The following TBCK variants were observed in gnomAD, a reference collection of about 807,000 sequenced individuals.
TBCK encodes the protein TBC1 domain containing kinase.
Under a neutral mutation model 113.4 loss-of-function variants are expected in TBCK, and 99 were observed. The observed-to-expected ratio is 0.87, with a 90% CI of 0.74 to 1.03. The LOEUF is 1.03. Ranked by LOEUF, TBCK falls within the 50% of genes least tolerant of loss-of-function variation. The pLI is 0.00. For synonymous variants in TBCK, 369 were observed against 370.8 expected, an observed-to-expected ratio of 1.00 and a Z score of 0.05; for missense variants, 1,045 against 1,061.3, an observed-to-expected ratio of 0.98 and a Z score of 0.21.
chr4:106,281,244 T>C (rs576877609), intron 3 of TBCK, among the ~76,000 whole-genome samples: 32 of 152,100 alleles, frequency 2.1e-4, no homozygotes, highest in Middle Eastern at 3.2e-3. Flanking sequence ...ATGTTACTGA[T>C]TTTTATCTTT....
intron 8 of TBCK, 136 bp downstream of exon 8, chr4:106,248,785 C>A (rs962879710): frequency 4.6e-6 from 3 of 648,824 alleles, no homozygotes; most frequent in Admixed American, 3.5e-5. Context: ...GACGACCAAA[C>A]GTACTGGTGC....
chr4:106,081,580 A>G (rs1047373123), intron 25 of TBCK, among the ~76,000 whole-genome samples: 6 of 152,098 alleles, frequency 3.9e-5, no homozygotes, highest in Non-Finnish European at 7.4e-5. Flanking sequence ...CTTAATACCT[A>G]GGTGATGGAT....
chr4:106,170,604 T>C (rs1409121949), intron 23 of TBCK, among the ~76,000 whole-genome samples: 1 of 152,102 alleles, frequency 6.6e-6, no homozygotes, highest in African/African-American at 2.4e-5. Flanking sequence ...ACTATGATAA[T>C]ATTAGAATAT....
chr4:106,299,036 T>G (rs886857552), intron 2 of TBCK, among the ~76,000 whole-genome samples: 3 of 152,186 alleles, frequency 2.0e-5, no homozygotes, highest in Non-Finnish European at 4.4e-5. Context: ...ATGGCAGGAA[T>G]GAGGTGGGTC....
chr4:106,242,532 G>A lies in TBCK; in HGVS notation c.1108C>T (p.Arg370Ter), dbSNP rs1452578209. ...FEDGESFGQG[R>*]DRSSLLDDTT... Reference sequence around the variant, plus strand: ...TCATCTAAAAGCGAGCTTCTATCTCGACCTTGTCCAAAGCTTTCACCATCC... The same window carrying A: ...TCATCTAAAAGCGAGCTTCTATCTCAACCTTGTCCAAAGCTTTCACCATCC... The change falls in exon 12 of 26, where the codon CGA becomes TGA. Residue 370 changes from arginine to a stop codon, truncating the protein, a stop_gained. Transcript: ENST00000394708. LOFTEE classifies it high-confidence loss of function. 1.2e-6 allele frequency: 2 copies of A among 1,607,870 alleles called. No individual in the cohort carries two copies. Among genetic ancestry groups the A allele is most frequent in the African/African-American group, 1.3e-5 (1 of 74,628 alleles).
intron 1 of TBCK, among the ~76,000 whole-genome samples, chr4:106,311,444 A>C (rs1219742040): frequency 6.6e-6 from 1 of 152,184 alleles, no homozygotes. Flanking sequence ...ATATTGAGTG[A>C]AAAAAGTAAC....
chr4:106,075,311 GA>G (rs1164632669), intron 25 of TBCK, among the ~76,000 whole-genome samples: 3 of 152,170 alleles, frequency 2.0e-5, no homozygotes, highest in Non-Finnish European at 4.4e-5. Context: ...CCTAATGTTG[GA>G]TTGAAGCATA....
intron 23 of TBCK, among the ~76,000 whole-genome samples, chr4:106,120,825 T>A (rs932280830): frequency 6.6e-6 from 1 of 151,930 alleles, no homozygotes; most frequent in Non-Finnish European, 1.5e-5. Flanking sequence ...TACATCACCA[T>A]CATCAAAGAC....
chr4:106,184,154 C>T (rs1163913405), intron 22 of TBCK, among the ~76,000 whole-genome samples: 1 of 152,068 alleles, frequency 6.6e-6, no homozygotes, highest in African/African-American at 2.4e-5. Flanking sequence ...AAATCTCTAA[C>T]AGTGCCTCAG....
In TBCK at chr4:106,124,802, G is replaced by A. The variant is rs187438564; in HGVS notation, c.2236-8424C>T. On this transcript the variant is annotated intron_variant, in intron 23 of 25. Transcript: ENST00000394708. ...CACTCATAGGTGGGAACTGAACAAT[G>A]AAATCACATGGACATAGGAAGGGGA... 2.5e-4 allele frequency among the ~76,000 whole-genome samples: 38 copies of A among 151,438 alleles called. No homozygotes were observed. The East Asian group carries it at 7.4e-3, about 29-fold the overall frequency.
At chr4:106,077,726 C>A (rs1163287814) in intron 25 of TBCK, among the ~76,000 whole-genome samples, 3 of 152,146 alleles carry the variant, frequency 2.0e-5, no homozygotes, top group Non-Finnish European at 2.9e-5. Flanking sequence ...GATTTCAACA[C>A]CACCTTGACA....
intron 2 of TBCK, among the ~76,000 whole-genome samples, chr4:106,304,212 T>C (rs1286363144): frequency 6.6e-6 from 1 of 152,138 alleles, no homozygotes; most frequent in Non-Finnish European, 1.5e-5. Context: ...AATAAAGCTC[T>C]CCTTTCTAAG....
chr4:106,083,062 C>A (rs966995305), intron 25 of TBCK, among the ~76,000 whole-genome samples: 1 of 152,242 alleles, frequency 6.6e-6, no homozygotes, highest in Non-Finnish European at 1.5e-5. Flanking sequence ...CTTAAGCCCA[C>A]CTAACTCTTG....
At chr4:106,316,367 G>A (rs73839427), upstream of TBCK, 1,276 of 609,434 alleles carry the variant, frequency 2.1e-3, 10 homozygotes, top group African/African-American at 0.016. Context: ...GGGGGGGGTC[G>A]ATTGAAAATA....
Position 106,095,639 on chromosome 4 carries a change from A to C in TBCK, c.2414T>G (p.Phe805Cys), listed in dbSNP as rs1740814267. Residue 805 changes from phenylalanine to cysteine, a missense_variant and splice_region_variant, in exon 25 of 26, where the codon TTT (phenylalanine) becomes TGT (cysteine). Coordinates refer to ENST00000394708, the MANE Select transcript of TBCK (RefSeq NM_001163435.3). ...LVVDIRNSED[F>C]IRGHISGSIN... ...GCTTCCTGAAATGTGACCACGAATA[A>C]AGCTGAGAAGGAAAGTTTAAGGAAA... 1 of 1,611,968 alleles carries C rather than the reference A, an allele frequency of 6.2e-7. No homozygotes were observed. The highest frequency in any genetic ancestry group is 1.1e-5 in the South Asian group (1 of 90,564).
intron 25 of TBCK, among the ~76,000 whole-genome samples, chr4:106,068,725 C>T (rs766286794): frequency 1.4e-4 from 22 of 152,168 alleles, no homozygotes; most frequent in Non-Finnish European, 3.1e-4. Context: ...AATCGCCACA[C>T]TGTCTTCCAC....
At chr4:106,175,654 C>T (rs1381296846) in intron 22 of TBCK, among the ~76,000 whole-genome samples, 2 of 151,966 alleles carry the variant, frequency 1.3e-5, no homozygotes, top group Admixed American at 6.6e-5. Flanking sequence ...CCAGAGAATG[C>T]CTCTCCATAT....
At chr4:106,266,642 G>A (rs1362756530) in intron 3 of TBCK, among the ~76,000 whole-genome samples, 8 of 151,662 alleles carry the variant, frequency 5.3e-5, no homozygotes, top group South Asian at 2.1e-4. Flanking sequence ...ATGACATACC[G>A]TTTCTTAGCT....
intron 22 of TBCK, among the ~76,000 whole-genome samples, chr4:106,191,192 G>A (rs1295434024): frequency 1.3e-5 from 2 of 152,078 alleles, no homozygotes; most frequent in Non-Finnish European, 2.9e-5. Flanking sequence ...AAGTTATCGC[G>A]AGATGATCTG....
Sources: gnomAD v4.1 joint callset for allele counts (sites outside exome capture counted in the v4.1 genomes callset) on GRCh38, gnomAD v4.1.1 for gene constraint, MANE v1.5 for transcripts, NCBI Gene and HGNC (gene_info 2026-07-23, HGNC 2026-07-21) for gene names.